The following DIP2C variants were observed in gnomAD, a reference collection of about 807,000 sequenced individuals.
DIP2C encodes DIP2 acetate--CoA ligase C (putative).
DIP2C carries 33 observed loss-of-function variants against 192.4 expected under a neutral mutation model. That is an observed-to-expected ratio of 0.17 (90% confidence interval 0.13 to 0.23). DIP2C has a LOEUF of 0.23. DIP2C is among the 10% of genes least tolerant of loss of function. DIP2C has a pLI of 1.00. For missense variants in DIP2C, 1,537 were observed against 2,110.1 expected (o/e 0.73, Z 5.32); for synonymous variants, 979 against 864.1 (o/e 1.13, Z -2.33).
chr10:468,098 G>A (rs766460482), intron 3 of DIP2C, among the ~76,000 whole-genome samples: 10 of 152,056 alleles, frequency 6.6e-5, no homozygotes, highest in Admixed American at 4.6e-4. Context: ...CTTCGCGGTC[G>A]GTTCAGGAGA....
At chr10:675,493 G>C (rs1042840401) in intron 1 of DIP2C, among the ~76,000 whole-genome samples, 2 of 151,100 alleles carry the variant, frequency 1.3e-5, no homozygotes, top group African/African-American at 4.9e-5. Context: ...AAAAATGTTG[G>C]TTTTTTGAAA....
chr10:493,262 G>C (rs1443286174), intron 1 of DIP2C, among the ~76,000 whole-genome samples: 1 of 152,210 alleles, frequency 6.6e-6, no homozygotes, highest in Non-Finnish European at 1.5e-5. Context: ...TGTCCTGGGA[G>C]TTAGAAATCC....
intron 1 of DIP2C, chr10:665,939 C>T (rs1588722001): frequency 6.6e-6 from 1 of 152,154 alleles, no homozygotes; most frequent in Non-Finnish European, 1.5e-5. Context: ...CAAAGAAGCG[C>T]TTTCCTCCCC....
At chr10:536,441 C>T (rs919687868) in intron 1 of DIP2C, among the ~76,000 whole-genome samples, 2 of 152,024 alleles carry the variant, frequency 1.3e-5, no homozygotes, top group Non-Finnish European at 2.9e-5. Context: ...GTCACAGTCC[C>T]GGGGGCTAGA....
rs1004208862 is a variant in DIP2C, at chr10:689,154, C to A, written c.85+340G>T. Among the ~76,000 whole-genome samples, 1 of 151,892 alleles carries A rather than the reference C, an allele frequency of 6.6e-6. No homozygotes were observed. The highest frequency in any genetic ancestry group is 1.5e-5 in the Non-Finnish European group (1 of 67,924). Reference sequence around the variant, plus strand: ...CCAGGCCCCACAGACACCCCCAGGGCGCGGGGGGATCGCGGCCCCACAAAC... The same window carrying A: ...CCAGGCCCCACAGACACCCCCAGGGAGCGGGGGGATCGCGGCCCCACAAAC... On this transcript the variant is annotated intron_variant, in intron 1 of 36. Coordinates refer to ENST00000280886, the MANE Select transcript of DIP2C (RefSeq NM_014974.3). The surrounding 1 kb of genome is among the most constrained non-coding windows in gnomAD (Gnocchi z 6.1).
chr10:644,500 C>A (rs557156325), intron 1 of DIP2C, among the ~76,000 whole-genome samples: 2 of 152,368 alleles, frequency 1.3e-5, no homozygotes, highest in South Asian at 4.2e-4. Flanking sequence ...CGGCTTCTTG[C>A]TCTGTCAGCA....
intron 1 of DIP2C, among the ~76,000 whole-genome samples, chr10:610,669 C>T (rs561403658): frequency 3.7e-4 from 57 of 152,354 alleles, no homozygotes; most frequent in African/African-American, 1.3e-3. Flanking sequence ...TGTGTCCCCA[C>T]CCAAATCTCA....
At chr10:505,366 CA>C (rs1845524763) in intron 1 of DIP2C, among the ~76,000 whole-genome samples, 1 of 152,220 alleles carries the variant, frequency 6.6e-6, no homozygotes, top group Admixed American at 6.5e-5. Flanking sequence ...GAGGAACGGA[CA>C]GGGGCATCTC....
intron 1 of DIP2C, among the ~76,000 whole-genome samples, chr10:487,458 C>G (rs1003106705): frequency 3.9e-5 from 6 of 151,908 alleles, no homozygotes; most frequent in African/African-American, 1.5e-4. Context: ...TCCACCAACT[C>G]ACAGCTCATG....
chr10:681,455 C>T (rs1187985566), intron 1 of DIP2C, among the ~76,000 whole-genome samples: 16 of 150,668 alleles, frequency 1.1e-4, no homozygotes, highest in African/African-American at 3.2e-4. Context: ...TCTATGGCCA[C>T]AGAAATTCCA....
intron 1 of DIP2C, chr10:629,995 C>T (rs966334652): frequency 2.0e-5 from 3 of 152,214 alleles, no homozygotes; most frequent in Non-Finnish European, 4.4e-5. Context: ...CACAGTGTCC[C>T]CCGGGGGCCA....
chr10:549,637 T>G (rs1280657320), intron 1 of DIP2C, among the ~76,000 whole-genome samples: 5 of 151,620 alleles, frequency 3.3e-5, no homozygotes, highest in Non-Finnish European at 7.4e-5. Context: ...CCCGACCAGG[T>G]GCCGGGGGCT....
chr10:384,429 G>T, intron 15 of DIP2C, 117 bp downstream of exon 15: 1 of 1,046,542 alleles, frequency 9.6e-7, no homozygotes, highest in Non-Finnish European at 1.4e-6. Context: ...GTAGAAACGG[G>T]GTTTCTCCAT....
At chr10:358,643 A>ACGGGGG (rs1491299259) in intron 22 of DIP2C, among the ~76,000 whole-genome samples, 1 of 1,568 alleles carries the variant, frequency 6.4e-4, no homozygotes. Context: ...GGGACGGGGG[A>ACGGGGG]TGGGAGGTGG....
intron 1 of DIP2C, among the ~76,000 whole-genome samples, chr10:580,010 A>G (rs1365048507): frequency 6.6e-6 from 1 of 152,152 alleles, no homozygotes; most frequent in Non-Finnish European, 1.5e-5. Flanking sequence ...ATGTATGTAC[A>G]TGAATAGCAT....
intron 9 of DIP2C, 105 bp from the exon 10 acceptor site, chr10:399,324 C>A: frequency 1.3e-6 from 1 of 778,142 alleles, no homozygotes; most frequent in East Asian, 2.6e-5. Context: ...TCAGTGAGAA[C>A]CAGATCCTAT....
chr10:673,092 C>T (rs548077011), intron 1 of DIP2C, among the ~76,000 whole-genome samples: 342 of 152,200 alleles, frequency 2.2e-3, no homozygotes, highest in Non-Finnish European at 4.2e-3. Flanking sequence ...CCTTGCTGCT[C>T]AGCTGGGAGG....
At chr10:549,161 T>C (rs1246386150) in intron 1 of DIP2C, among the ~76,000 whole-genome samples, 2 of 152,066 alleles carry the variant, frequency 1.3e-5, no homozygotes, top group African/African-American at 4.8e-5. Flanking sequence ...AAATGCAAAA[T>C]TCACGTTCAA....
chr10:444,087 C>T (rs943749318), intron 3 of DIP2C, among the ~76,000 whole-genome samples: 13 of 152,322 alleles, frequency 8.5e-5, no homozygotes, highest in African/African-American at 2.6e-4. Context: ...GGTGCTCTTC[C>T]GTCACCTGAG....
Sources: gnomAD v4.1 joint callset for allele counts (sites outside exome capture counted in the v4.1 genomes callset) on GRCh38, gnomAD v4.1.1 for gene constraint, Gnocchi (gnomAD v3.1) non-coding constraint, MANE v1.5 for transcripts, NCBI Gene and HGNC (gene_info 2026-07-23, HGNC 2026-07-21) for gene names.